The following LMAN1 variants were observed in gnomAD, a reference collection of about 807,000 sequenced individuals.
LMAN1 encodes the protein lectin, mannose binding 1.
LMAN1 carries 32 observed loss-of-function variants against 67.8 expected under a neutral mutation model. That is an observed-to-expected ratio of 0.47 (90% CI 0.36 to 0.63). The LOEUF (loss-of-function observed/expected upper bound fraction) is 0.63, where lower values mean the gene tolerates loss of function less well. Among genes scored for constraint, LMAN1 ranks in the 30% least tolerant of loss-of-function variants. LMAN1 has a pLI of 0.00. For missense variants in LMAN1, 632 were observed against 628.2 expected (o/e 1.01, Z -0.06); for synonymous variants, 235 against 219.3 (o/e 1.07, Z -0.63).
chr18:59,333,364 AGGT>A, intron 10 of LMAN1, 120 bp from the exon 11 acceptor site: 2 of 725,066 alleles, frequency 2.8e-6, no homozygotes, highest in South Asian at 1.9e-5. Context: ...AAAAAAAAAC[AGGT>A]AAAGTATCTT....
At position 59,331,437 on chromosome 18, in the gene LMAN1, T is replaced by C; in HGVS notation, c.1477A>G (p.Ile493Val). 1 of 1,608,698 alleles carries C rather than the reference T, an allele frequency of 6.2e-7. No homozygotes were observed. The highest frequency in any genetic ancestry group is 1.3e-5 in the African/African-American group (1 of 74,882). The change falls in exon 12 of 13, where the codon ATT (isoleucine) becomes GTT (valine). Residue 493 changes from isoleucine (I) to valine (V), a missense_variant. Ile to Val is a conservative substitution (Grantham distance 29). Transcript: ENST00000251047. ...IFVVVQTVLF[I>V]GYIMYRSQQE... ...ACTTACCTATACATGATATAACCAA[T>C]GAATAATACAGTTTGCACCACAACA...
chr18:59,330,957 C>T lies in LMAN1; in HGVS notation c.*136G>A. 1 of 671,356 alleles carries T rather than the reference C, an allele frequency of 1.5e-6. No homozygotes were observed. The highest frequency in any genetic ancestry group is 2.6e-6 in the Non-Finnish European group (1 of 380,200). 41.6% of individuals were successfully genotyped at this position (671,356 alleles called of 1,614,324 possible). A position where few individuals can be genotyped will look rare whatever the true frequency, so the allele number is the denominator to read the frequency against. ...TCTTTGCTTTAAGGTTTATTCTTAA[C>T]TGCAAATCAATGTTTAAACAGTTAT... On this transcript the variant is annotated 3_prime_UTR_variant, in exon 13 of 13. Transcript: ENST00000251047.
chr18:59,348,001 G>A (rs1254654651), intron 6 of LMAN1, among the ~76,000 whole-genome samples: 1 of 152,082 alleles, frequency 6.6e-6, no homozygotes, highest in African/African-American at 2.4e-5. Flanking sequence ...CATACTGCCG[G>A]GTACCTATAT....
At position 59,359,257 on chromosome 18, in the gene LMAN1, A is replaced by C; in HGVS notation, c.-13T>G. The C allele has an allele frequency of 6.2e-7, 1 of 1,613,098 alleles. No homozygotes were observed. The highest frequency in any genetic ancestry group is 8.5e-7 in the Non-Finnish European group (1 of 1,179,264). On this transcript the variant is annotated 5_prime_UTR_variant, in exon 1 of 13. Coordinates refer to ENST00000251047, the MANE Select transcript of LMAN1 (RefSeq NM_005570.4). ...TGGATCCCGCCATCTTGGATTCTGG[A>C]ACGCGGAGGAGGGCGGGAGAGGGAG...
At chr18:59,347,279 C>A (rs1454010206) in intron 7 of LMAN1, among the ~76,000 whole-genome samples, 1 of 130,720 alleles carries the variant, frequency 7.6e-6, no homozygotes, top group Non-Finnish European at 1.5e-5. Flanking sequence ...AGATATCGCG[C>A]CACTGCACTC....
Position 59,338,853 on chromosome 18 carries a change from TA to T in LMAN1, c.1055del (p.Leu352Ter). The T allele has an allele frequency of 1.2e-6, 2 of 1,613,926 alleles. No homozygotes were observed. The highest frequency in any genetic ancestry group is 1.7e-6 in the Non-Finnish European group (2 of 1,179,936). ...HLEIKQLNRQ[L>X]DMILDEQRRY... ...TTCTCTGTTCATCAAGAATCATATC[TA>T]ACTGCCGGTTCAGCTGCTTGATTTC... On this transcript the variant is annotated frameshift_variant, in exon 9 of 13. Coordinates refer to ENST00000251047, the MANE Select transcript of LMAN1 (RefSeq NM_005570.4). LOFTEE classifies it high-confidence loss of function.
rs1414438108 is a variant in LMAN1, at chr18:59,338,604, A to C, written c.1173T>G (p.Thr391=). 4 of 1,613,946 alleles carry C rather than the reference A, an allele frequency of 2.5e-6. No homozygotes were observed. Among genetic ancestry groups the C allele is most frequent in the Middle Eastern group, 3.3e-4 (2 of 6,060 alleles). The change falls in exon 10 of 13, where the codon ACT becomes ACG. Residue 391 remains threonine (T), a synonymous_variant. Coordinates refer to ENST00000251047, the MANE Select transcript of LMAN1 (RefSeq NM_005570.4). The part of the protein sequence containing the change: ...HGQITQQELD[T]VVKTQHEILR... Reference sequence around the variant, plus strand: ...GAATCTCATGCTGAGTTTTCACAACAGTATCCAGTTCTTGTTGAGTAATCT... The same window carrying C: ...GAATCTCATGCTGAGTTTTCACAACCGTATCCAGTTCTTGTTGAGTAATCT...
At chr18:59,339,896 A>G (rs1908249279) in intron 8 of LMAN1, among the ~76,000 whole-genome samples, 1 of 151,952 alleles carries the variant, frequency 6.6e-6, no homozygotes, top group Admixed American at 6.5e-5. Flanking sequence ...AGTTTAATGG[A>G]GGGTTGTGCC....
rs1054451264 is a variant in LMAN1 at position 59,331,578 on chromosome 18, T to C, written c.1375-39A>G. The C allele has an allele frequency of 1.6e-5, 25 of 1,607,036 alleles. No individual in the cohort carries two copies. In the Admixed American group the frequency reaches 3.2e-4, roughly 20 times the overall value. On this transcript the variant is annotated intron_variant, in intron 11 of 12. Transcript: ENST00000251047. The stretch of plus-strand genomic sequence containing the variant: ...GACTTTCTATTACAGTTAGTCAAAA[T>C]AGCAGTTTGGAAAAAGAAATAAATG...
In LMAN1 at chr18:59,345,983, T is replaced by C. The variant is rs750403698; in HGVS notation, c.891A>G (p.Gln297=). ...EKYQEEFEHF[Q]QELDKKKEEF... ...CCTCTTTTTTTTTATCCAATTCTTG[T>C]TGAAAGTGCTCAAATTCCTCCTGAT... The change falls in exon 8 of 13, where the codon CAA becomes CAG. Residue 297 remains glutamine (Q), a synonymous_variant. Coordinates refer to ENST00000251047, the MANE Select transcript of LMAN1 (RefSeq NM_005570.4). The C allele has an allele frequency of 1.2e-5, 20 of 1,613,818 alleles. No homozygotes were observed. In the African/African-American group the frequency reaches 2.4e-4, roughly 19 times the overall value.
intron 6 of LMAN1, among the ~76,000 whole-genome samples, chr18:59,348,411 T>G (rs1254224833): frequency 6.6e-6 from 1 of 152,224 alleles, no homozygotes; most frequent in Non-Finnish European, 1.5e-5. Context: ...TGCCTGGGGC[T>G]TACCATCAAT....
chr18:59,357,110 A>G (rs946538073), intron 1 of LMAN1, among the ~76,000 whole-genome samples: 1 of 152,228 alleles, frequency 6.6e-6, no homozygotes, highest in Admixed American at 6.5e-5. Flanking sequence ...CTTATGCAAA[A>G]ACTACAGTGA....
At chr18:59,343,900 G>C (rs975421785) in intron 8 of LMAN1, among the ~76,000 whole-genome samples, 1 of 151,850 alleles carries the variant, frequency 6.6e-6, no homozygotes, top group African/African-American at 2.4e-5. Flanking sequence ...TGCATCCAAC[G>C]AAGGGCTAAT....
intron 8 of LMAN1, 123 bp from the exon 9 acceptor site, chr18:59,339,076 T>C: frequency 1.4e-6 from 1 of 719,046 alleles, no homozygotes; most frequent in South Asian, 1.5e-5. Flanking sequence ...AGTGGTACAA[T>C]CTCCCAAACA....
intron 1 of LMAN1, among the ~76,000 whole-genome samples, chr18:59,356,184 A>T (rs1163994806): frequency 6.6e-6 from 1 of 152,150 alleles, no homozygotes; most frequent in Non-Finnish European, 1.5e-5. Context: ...AAACACCCTA[A>T]AAGTTATATG....
At chr18:59,345,876 C>A (rs748318727) in intron 8 of LMAN1, 43 bp downstream of exon 8, 49 of 1,612,468 alleles carry the variant, frequency 3.0e-5, no homozygotes, top group Non-Finnish European at 4.2e-5. Flanking sequence ...TCAACAGCCT[C>A]AAGCCCTGCT....
chr18:59,355,423 G>A lies in LMAN1; in HGVS notation c.370-3C>T, dbSNP rs1908638623. On this transcript the variant is annotated splice_polypyrimidine_tract_variant and splice_region_variant and intron_variant, in intron 2 of 12. Coordinates refer to ENST00000251047, the MANE Select transcript of LMAN1 (RefSeq NM_005570.4). ...TGATTTTCTGCATACCAAATTGCCT[G>A]AAAATATGTAATAGGGAACAGTTAG... 1 of 1,614,024 alleles carries A rather than the reference G, an allele frequency of 6.2e-7. No homozygotes were observed. The highest frequency in any genetic ancestry group is 8.5e-7 in the Non-Finnish European group (1 of 1,179,890).
At chr18:59,357,883 T>C (rs908623132) in intron 1 of LMAN1, among the ~76,000 whole-genome samples, 3 of 148,710 alleles carry the variant, frequency 2.0e-5, no homozygotes, top group Non-Finnish European at 4.4e-5. Context: ...GACTAGTTAA[T>C]GGGTGCAGCA....
intron 5 of LMAN1, among the ~76,000 whole-genome samples, chr18:59,349,439 A>C (rs1908493824): frequency 6.6e-6 from 1 of 152,220 alleles, no homozygotes; most frequent in African/African-American, 2.4e-5. Flanking sequence ...AAGTTTAAAG[A>C]GAGAAAAATC....
Sources: allele counts gnomAD v4.1 joint callset (sites outside exome capture counted in the v4.1 genomes callset), GRCh38; gene constraint gnomAD v4.1.1; transcripts MANE v1.5; gene names NCBI Gene and HGNC (gene_info 2026-07-23, HGNC 2026-07-21).